XKR4: variants seen among roughly 807,000 people sequenced by gnomAD.
XKR4 encodes XK related 4.
Under a neutral mutation model 53.9 loss-of-function variants are expected in XKR4, and 12 were observed. That is an observed-to-expected ratio of 0.22 (90% CI 0.14 to 0.36). XKR4 has a LOEUF of 0.36. Among genes scored for constraint, XKR4 ranks in the 10% least tolerant of loss-of-function variants. The pLI is 1.00. For synonymous variants in XKR4, 354 were observed against 362.4 expected (o/e 0.98, Z 0.26); for missense variants, 799 against 859.5 (o/e 0.93, Z 0.88).
Position 55,477,238 on chromosome 8 carries a change from C to T in XKR4, c.1007-46043C>T, listed in dbSNP as rs180940764. 6.8e-4 allele frequency among the ~76,000 whole-genome samples: 104 copies of T among 152,216 alleles called. 1 individual carries two copies. The highest frequency in any genetic ancestry group is 2.2e-3 in the African/African-American group (90 of 41,506). ...GCAGCATTTGCAGTTCACCAAGATC[C>T]GCTGTCCTACAGCCACCACTGTTCT... On this transcript the variant is annotated intron_variant, in intron 2 of 2. Coordinates refer to ENST00000327381, the MANE Select transcript of XKR4 (RefSeq NM_052898.2).
At chr8:55,442,572 C>A (rs528780807) in intron 2 of XKR4, among the ~76,000 whole-genome samples, 11 of 152,204 alleles carry the variant, frequency 7.2e-5, no homozygotes, top group African/African-American at 2.2e-4. Context: ...ATAGAAAAAA[C>A]CAAGCATCTG....
chr8:55,257,913 T>A (rs1818463398), intron 1 of XKR4, among the ~76,000 whole-genome samples: 1 of 152,206 alleles, frequency 6.6e-6, no homozygotes, highest in African/African-American at 2.4e-5. Flanking sequence ...TGCCTTTCTG[T>A]TGGCTTCTTC....
intron 2 of XKR4, among the ~76,000 whole-genome samples, chr8:55,392,471 TA>T (rs1354659232): frequency 5.3e-5 from 8 of 152,352 alleles, no homozygotes; most frequent in African/African-American, 1.7e-4. Flanking sequence ...ATATATTTTT[TA>T]AAAAGTACAT....
At chr8:55,229,695 G>A (rs190285129) in intron 1 of XKR4, among the ~76,000 whole-genome samples, 6 of 151,832 alleles carry the variant, frequency 4.0e-5, no homozygotes, top group African/African-American at 1.5e-4. Flanking sequence ...CCAGTCCTTG[G>A]TCCCTTGTGT....
intron 1 of XKR4, among the ~76,000 whole-genome samples, chr8:55,259,017 G>T (rs1369590870): frequency 6.6e-6 from 1 of 152,216 alleles, no homozygotes; most frequent in African/African-American, 2.4e-5. Context: ...CAGGCTCAAG[G>T]CAGGGGAAGC....
intron 2 of XKR4, among the ~76,000 whole-genome samples, chr8:55,393,532 G>A (rs755776091): frequency 6.6e-6 from 1 of 152,044 alleles, no homozygotes; most frequent in African/African-American, 2.4e-5. Flanking sequence ...GGCTATATGG[G>A]GGCTTATTAT....
intron 1 of XKR4, among the ~76,000 whole-genome samples, chr8:55,269,396 T>C (rs1353482226): frequency 6.6e-6 from 1 of 152,188 alleles, no homozygotes; most frequent in Non-Finnish European, 1.5e-5. Context: ...GTAGGATCAC[T>C]AAATCCATAC....
intron 2 of XKR4, among the ~76,000 whole-genome samples, chr8:55,380,206 A>G (rs1804211868): frequency 6.9e-6 from 1 of 144,220 alleles, no homozygotes; most frequent in African/African-American, 2.9e-5. Context: ...TTGAGAAATC[A>G]TAGGTTTTAG....
At chr8:55,509,945 C>T (rs1159812115) in intron 2 of XKR4, among the ~76,000 whole-genome samples, 1 of 152,134 alleles carries the variant, frequency 6.6e-6, no homozygotes, top group African/African-American at 2.4e-5. Flanking sequence ...GAGGTAATAC[C>T]TAGTATTTGT....
At chr8:55,110,985 T>C (rs1238208898) in intron 1 of XKR4, among the ~76,000 whole-genome samples, 1 of 152,124 alleles carries the variant, frequency 6.6e-6, no homozygotes, top group African/African-American at 2.4e-5. Context: ...CCTGAGGTGG[T>C]CTGAGTGACA....
chr8:55,510,675 A>T (rs1033471548), intron 2 of XKR4, among the ~76,000 whole-genome samples: 1 of 152,172 alleles, frequency 6.6e-6, no homozygotes, highest in Admixed American at 6.5e-5. Flanking sequence ...GCTGCTCCGG[A>T]AAAAGAGCAG....
At chr8:55,155,415 T>G (rs923770804) in intron 1 of XKR4, among the ~76,000 whole-genome samples, 1 of 151,890 alleles carries the variant, frequency 6.6e-6, no homozygotes, top group African/African-American at 2.4e-5. Flanking sequence ...AATAACATAA[T>G]ATGGGAGTAG....
intron 2 of XKR4, among the ~76,000 whole-genome samples, chr8:55,493,297 A>T (rs927890001): frequency 5.9e-5 from 9 of 152,192 alleles, no homozygotes; most frequent in African/African-American, 2.4e-5. Context: ...CTCTTCCCTG[A>T]TACAGCATGT....
rs115405073 is a variant in XKR4, at chr8:55,164,728, C to T, written c.806+61434C>T. The T allele has an allele frequency of 8.4e-3, 2,106 of 251,096 alleles. 46 individuals are homozygous for T. Among genetic ancestry groups the T allele is most frequent in the African/African-American group, 0.045 (1,997 of 44,816 alleles). The allele number at this position is 251,096 out of a possible 1,614,324, so 15.6% of individuals were successfully genotyped here. On this transcript the variant is annotated intron_variant, in intron 1 of 2. Transcript: ENST00000327381. ...AAACCCATGTATAATAATACCATTA[C>T]CAATTGTTTTCTTATTTTATGTTTT...
chr8:55,208,640 T>A (rs547166122), intron 1 of XKR4, among the ~76,000 whole-genome samples: 1 of 152,102 alleles, frequency 6.6e-6, no homozygotes, highest in Non-Finnish European at 1.5e-5. Flanking sequence ...CTAATTTTTG[T>A]ATTTTTAGTA....
intron 1 of XKR4, among the ~76,000 whole-genome samples, chr8:55,234,044 ATTAATAGCACACAGGATTT>A (rs1276639216): frequency 1.3e-5 from 2 of 152,204 alleles, no homozygotes; most frequent in African/African-American, 4.8e-5. Context: ...TGAAGTCCGA[ATTAATAGCACACAGGATTT>A]AGGAAACTGT....
At chr8:55,278,467 T>C (rs1478660287) in intron 1 of XKR4, among the ~76,000 whole-genome samples, 3 of 152,152 alleles carry the variant, frequency 2.0e-5, no homozygotes, top group East Asian at 1.9e-4. Flanking sequence ...GTCCTAAAGA[T>C]AGTAATGTTA....
intron 2 of XKR4, among the ~76,000 whole-genome samples, chr8:55,456,802 A>G (rs1208703967): frequency 6.6e-6 from 1 of 152,180 alleles, no homozygotes; most frequent in Admixed American, 6.5e-5. Flanking sequence ...AAGCCTACCA[A>G]CATATGTGAA....
At chr8:55,366,242 G>T (rs1422074724) in intron 2 of XKR4, among the ~76,000 whole-genome samples, 4 of 152,264 alleles carry the variant, frequency 2.6e-5, no homozygotes, top group African/African-American at 9.6e-5. Context: ...AACAGGGTCT[G>T]CAGAGTCCCC....
Sources: allele counts gnomAD v4.1 joint callset (sites outside exome capture counted in the v4.1 genomes callset), GRCh38; gene constraint gnomAD v4.1.1; transcripts MANE v1.5; gene names NCBI Gene and HGNC (gene_info 2026-07-23, HGNC 2026-07-21).